Variants in KCNH8 observed in about 807,000 individuals in gnomAD.
KCNH8 encodes voltage-gated delayed rectifier potassium channel KCNH8.
KCNH8 carries 70 observed loss-of-function variants against 103.6 expected under a neutral mutation model. That is an observed-to-expected ratio of 0.68 (90% CI 0.56 to 0.82). KCNH8 has a LOEUF of 0.82. Ranked by LOEUF, KCNH8 falls within the 40% of genes least tolerant of loss-of-function variation. The pLI is 0.00. For synonymous variants in KCNH8, 498 were observed against 489.4 expected, an observed-to-expected ratio of 1.02 and a Z score of -0.23; for missense variants, 1,217 against 1,329.9, an observed-to-expected ratio of 0.92 and a Z score of 1.32.
chr3:19,320,520 T>C (rs979640194), intron 3 of KCNH8, among the ~76,000 whole-genome samples: 4 of 151,934 alleles, frequency 2.6e-5, no homozygotes, highest in East Asian at 1.9e-4. Context: ...ACATTACTGG[T>C]ATGAAACCCA....
intron 11 of KCNH8, among the ~76,000 whole-genome samples, chr3:19,477,341 T>C (rs1039778859): frequency 2.0e-5 from 3 of 152,006 alleles, no homozygotes; most frequent in African/African-American, 7.2e-5. Flanking sequence ...AAAGTATAAT[T>C]AATATTTATA....
intron 5 of KCNH8, among the ~76,000 whole-genome samples, chr3:19,355,542 A>G (rs1333350869): frequency 6.6e-6 from 1 of 152,154 alleles, no homozygotes; most frequent in African/African-American, 2.4e-5. Context: ...AACATGGAAT[A>G]GTATGCAGCC....
At chr3:19,306,002 T>C (rs557496128) in intron 3 of KCNH8, among the ~76,000 whole-genome samples, 3 of 152,154 alleles carry the variant, frequency 2.0e-5, no homozygotes, top group African/African-American at 7.2e-5. Flanking sequence ...AAGAAAGTGA[T>C]TACTAAAATT....
chr3:19,266,666 TG>T (rs2064516395), intron 2 of KCNH8, among the ~76,000 whole-genome samples: 1 of 152,150 alleles, frequency 6.6e-6, no homozygotes, highest in Non-Finnish European at 1.5e-5. Flanking sequence ...ATTTGCTGAA[TG>T]GGCGAATGAA....
rs144652751 is a variant in KCNH8, at chr3:19,324,578, TCTCA to T, written c.443-18003_443-18000del. Among the ~76,000 whole-genome samples the T allele has an allele frequency of 6.1e-4, 93 of 152,096 alleles. No individual in the cohort carries two copies. The East Asian group carries it at 0.017, about 28-fold the overall frequency. On this transcript the variant is annotated intron_variant, in intron 3 of 15. Coordinates refer to ENST00000328405, the MANE Select transcript of KCNH8 (RefSeq NM_144633.3). The stretch of plus-strand genomic sequence containing the variant: ...GAATCAAACCTTACCATGAACGAAT[TCTCA>T]CTCACAGTTGCTACAAAACAATAAA...
chr3:19,241,635 A>T (rs2064142526), intron 1 of KCNH8, among the ~76,000 whole-genome samples: 1 of 152,026 alleles, frequency 6.6e-6, no homozygotes, highest in Non-Finnish European at 1.5e-5. Flanking sequence ...TATCAACATA[A>T]CTCAGATGTA....
intron 15 of KCNH8, among the ~76,000 whole-genome samples, chr3:19,523,847 C>T (rs376555909): frequency 2.6e-5 from 4 of 151,566 alleles, no homozygotes; most frequent in Non-Finnish European, 5.9e-5. Context: ...TCCAAATATC[C>T]CCCAATTTAA....
At chr3:19,338,090 TTG>T (rs1469341109) in intron 3 of KCNH8, among the ~76,000 whole-genome samples, 5 of 152,086 alleles carry the variant, frequency 3.3e-5, no homozygotes, top group African/African-American at 7.2e-5. Context: ...GCTTTTTTAT[TTG>T]TTTGTTTCCT....
intron 1 of KCNH8, among the ~76,000 whole-genome samples, chr3:19,183,766 G>C (rs188356914): frequency 6.6e-6 from 1 of 152,124 alleles, no homozygotes; most frequent in Non-Finnish European, 1.5e-5. Context: ...CTTGTGGTTA[G>C]TCTAAAAGAG....
chr3:19,295,432 G>T (rs1273003511), intron 3 of KCNH8, among the ~76,000 whole-genome samples: 1 of 147,580 alleles, frequency 6.8e-6, no homozygotes, highest in African/African-American at 2.5e-5. Flanking sequence ...ATAAGTTCAG[G>T]CTGAGAGCTA....
intron 5 of KCNH8, among the ~76,000 whole-genome samples, chr3:19,358,534 A>C (rs2065909862): frequency 6.6e-6 from 1 of 151,990 alleles, no homozygotes; most frequent in South Asian, 2.1e-4. Context: ...AATTGATAAA[A>C]TATGTTGACA....
At chr3:19,329,930 T>C (rs554081485) in intron 3 of KCNH8, among the ~76,000 whole-genome samples, 10 of 152,008 alleles carry the variant, frequency 6.6e-5, no homozygotes, top group South Asian at 6.2e-4. Flanking sequence ...TTTTTTTTTT[T>C]CCTTCTAACA....
At chr3:19,209,129 A>G (rs1051509210) in intron 1 of KCNH8, among the ~76,000 whole-genome samples, 2 of 152,032 alleles carry the variant, frequency 1.3e-5, no homozygotes, top group Admixed American at 6.6e-5. Context: ...GTATAAATAT[A>G]TATGTATAGC....
chr3:19,248,035 T>C (rs1231847654), intron 1 of KCNH8, among the ~76,000 whole-genome samples: 1 of 152,118 alleles, frequency 6.6e-6, no homozygotes, highest in Non-Finnish European at 1.5e-5. Flanking sequence ...AAAGTTTCAA[T>C]TGAATTAAAA....
intron 1 of KCNH8, among the ~76,000 whole-genome samples, chr3:19,227,989 G>A (rs1231423037): frequency 6.6e-6 from 1 of 152,102 alleles, no homozygotes; most frequent in Non-Finnish European, 1.5e-5. Context: ...TGTAAGCGAG[G>A]TATAGGTTAT....
chr3:19,243,122 C>T (rs975817358), intron 1 of KCNH8, among the ~76,000 whole-genome samples: 2 of 152,148 alleles, frequency 1.3e-5, no homozygotes, highest in African/African-American at 2.4e-5. Context: ...GAGCGTCTGG[C>T]GTATCACAGC....
chr3:19,425,100 A>G (rs945277814), intron 7 of KCNH8, among the ~76,000 whole-genome samples: 1 of 152,198 alleles, frequency 6.6e-6, no homozygotes, highest in Non-Finnish European at 1.5e-5. Context: ...AAACATTTAA[A>G]GTTTGAAAAC....
intron 3 of KCNH8, among the ~76,000 whole-genome samples, chr3:19,286,757 A>G (rs978834396): frequency 3.9e-5 from 6 of 152,210 alleles, no homozygotes; most frequent in African/African-American, 1.4e-4. Flanking sequence ...GGGAATAATG[A>G]CAAGAAAAAA....
chr3:19,182,978 T>C (rs925737212), intron 1 of KCNH8, among the ~76,000 whole-genome samples: 1 of 152,232 alleles, frequency 6.6e-6, no homozygotes, highest in African/African-American at 2.4e-5. Context: ...AGAAAAAATT[T>C]AAGTAGTTTT....
Sources: allele counts gnomAD v4.1 joint callset (sites outside exome capture counted in the v4.1 genomes callset), GRCh38; gene constraint gnomAD v4.1.1; transcripts MANE v1.5; gene names NCBI Gene and HGNC (gene_info 2026-07-23, HGNC 2026-07-21).